The following KIF4A variants were observed in gnomAD, a reference collection of about 807,000 sequenced individuals.
KIF4A encodes the protein kinesin family member 4A.
A neutral mutation model predicts 105.9 loss-of-function variants in KIF4A; 7 were observed. That is an observed-to-expected ratio of 0.07 (90% CI 0.04 to 0.12). KIF4A has a LOEUF of 0.12. Ranked by LOEUF, KIF4A falls within the 10% of genes least tolerant of loss-of-function variation. The probability of loss-of-function intolerance (pLI) is 1.00; values close to 1 mark genes in which losing one functional copy is unlikely to be tolerated. For missense variants in KIF4A, 558 were observed against 929.2 expected, an observed-to-expected ratio of 0.60 and a Z score of 5.19; for synonymous variants, 281 against 331.3, an observed-to-expected ratio of 0.85 and a Z score of 1.65.
chrX:70,343,659 C>G, intron 11 of KIF4A, 44 bp from the exon 12 acceptor site: 1 of 1,133,255 alleles, frequency 8.8e-7, no homozygotes, highest in Non-Finnish European at 1.2e-6. Flanking sequence ...TTATGTGAGG[C>G]TGTCAGGCAC....
chrX:70,303,607 T>G, intron 7 of KIF4A, among the ~76,000 whole-genome samples: 1 of 112,213 alleles, frequency 8.9e-6, no homozygotes, highest in Non-Finnish European at 1.9e-5. Context: ...ATGTTTGCAC[T>G]TGAGATTTAG....
chrX:70,376,411 T>C (rs1036586395), intron 18 of KIF4A, among the ~76,000 whole-genome samples: 10 of 112,049 alleles, frequency 8.9e-5, no homozygotes, highest in African/African-American at 3.2e-4. Flanking sequence ...GAAAAATTAG[T>C]AGTATATAAG....
chrX:70,411,533 G>A (rs998776445), intron 28 of KIF4A, among the ~76,000 whole-genome samples: 1 of 109,820 alleles, frequency 9.1e-6, no homozygotes, highest in African/African-American at 3.3e-5. Flanking sequence ...TGGTGCTAGA[G>A]GAATTATGGA....
Position 70,293,918 on chromosome X carries a change from A to T in KIF4A, c.236-3080A>T, listed in dbSNP as rs2085770564. ...AACACTGGATACTTAGCTTACACTA[A>T]ATTTATTAAACTTTGTGTCTTTCTT... On this transcript the variant is annotated intron_variant, in intron 3 of 30. Transcript: ENST00000374403. Among the ~76,000 whole-genome samples the T allele has an allele frequency of 3.6e-5, 4 of 111,924 alleles. No individual in the cohort carries two copies. In the South Asian group the frequency reaches 1.5e-3, roughly 41 times the overall value.
intron 15 of KIF4A, among the ~76,000 whole-genome samples, chrX:70,359,357 A>T (rs929078537): frequency 1.8e-5 from 2 of 110,914 alleles, no homozygotes; most frequent in East Asian, 5.7e-4. Flanking sequence ...TAAGGCTGAG[A>T]AGTGATTCCT....
intron 7 of KIF4A, among the ~76,000 whole-genome samples, chrX:70,317,902 G>T (rs757290262): frequency 1.0e-5 from 1 of 98,048 alleles, no homozygotes; most frequent in Non-Finnish European, 2.0e-5. Context: ...TTTTGAGATG[G>T]AGTCTCACTC....
chrX:70,360,815 C>A (rs974332205), intron 15 of KIF4A, among the ~76,000 whole-genome samples: 3 of 112,923 alleles, frequency 2.7e-5, no homozygotes, highest in Non-Finnish European at 5.6e-5. Flanking sequence ...GTTTCAGAAG[C>A]AGGCTGACCT....
intron 13 of KIF4A, among the ~76,000 whole-genome samples, chrX:70,349,210 A>T (rs1427841079): frequency 4.2e-5 from 4 of 94,802 alleles, no homozygotes; most frequent in African/African-American, 1.6e-4. Context: ...GGCCGGGCAG[A>T]GGCGCTCCTC....
At position 70,389,170 on chromosome X, in the gene KIF4A, C is replaced by T. The variant is rs369804922; in HGVS notation, c.2232+1873C>T. ...ACCGGGGAGACTGAGGTGGGAAGAT[C>T]GCTTGAGACTGGGAGGTCAAGGCTA... On this transcript the variant is annotated intron_variant, in intron 20 of 30. Transcript: ENST00000374403. Among the ~76,000 whole-genome samples the T allele has an allele frequency of 4.5e-5, 5 of 111,689 alleles. No homozygotes were observed. The East Asian group carries it at 8.4e-4, about 19-fold the overall frequency.
intron 7 of KIF4A, among the ~76,000 whole-genome samples, chrX:70,326,568 T>C (rs989629893): frequency 7.1e-5 from 8 of 112,559 alleles, no homozygotes; most frequent in Admixed American, 3.8e-4. Flanking sequence ...TTAAAATCTC[T>C]CCTTTATTAT....
chrX:70,364,744 T>C (rs1391173521), intron 15 of KIF4A, among the ~76,000 whole-genome samples: 1 of 111,883 alleles, frequency 8.9e-6, no homozygotes, highest in African/African-American at 3.3e-5. Context: ...TGTTTCCATA[T>C]GAACTTTAAA....
At chrX:70,348,617 C>G (rs918800237) in intron 13 of KIF4A, among the ~76,000 whole-genome samples, 1 of 111,054 alleles carries the variant, frequency 9.0e-6, no homozygotes, top group Non-Finnish European at 1.9e-5. Context: ...CGCCCTTAAT[C>G]CATTTAACCC....
chrX:70,369,211 C>T (rs887362426), intron 15 of KIF4A, among the ~76,000 whole-genome samples: 2 of 112,371 alleles, frequency 1.8e-5, no homozygotes, highest in Non-Finnish European at 3.8e-5. Context: ...TGAGGCGATG[C>T]CTCGCCCTGC....
chrX:70,290,848 G>A, intron 3 of KIF4A, 43 bp downstream of exon 3: 1 of 905,716 alleles, frequency 1.1e-6, no homozygotes, highest in South Asian at 2.1e-5. Flanking sequence ...TATATTCCTT[G>A]AGCATATACT....
intron 18 of KIF4A, among the ~76,000 whole-genome samples, chrX:70,379,790 C>T (rs1239402621): frequency 1.1e-5 from 1 of 87,848 alleles, no homozygotes; most frequent in Non-Finnish European, 2.2e-5. Context: ...GATTCTGTCT[C>T]AGAAAAAAAA....
At chrX:70,371,623 TC>T (rs1322664004) in intron 15 of KIF4A, among the ~76,000 whole-genome samples, 1 of 102,268 alleles carries the variant, frequency 9.8e-6, no homozygotes, top group Admixed American at 1.0e-4. Flanking sequence ...CCCACCTCCC[TC>T]CCGGATGGGG....
At chrX:70,389,163 G>A (rs1463032503) in intron 20 of KIF4A, among the ~76,000 whole-genome samples, 1 of 111,762 alleles carries the variant, frequency 8.9e-6, no homozygotes, top group African/African-American at 3.3e-5. Flanking sequence ...GACTGAGGTG[G>A]GAAGATCGCT....
intron 7 of KIF4A, among the ~76,000 whole-genome samples, chrX:70,325,593 T>C (rs1975428795): frequency 9.0e-6 from 1 of 111,272 alleles, no homozygotes; most frequent in African/African-American, 3.3e-5. Context: ...TATTCTTTTT[T>C]TTAATTTCAA....
rs766581147 is a variant in KIF4A, at chrX:70,369,660, T to A, written c.1675-4491T>A. 6.3e-5 allele frequency among the ~76,000 whole-genome samples: 7 copies of A among 111,519 alleles called. No homozygotes were observed. The East Asian group carries it at 2.0e-3, about 31-fold the overall frequency. On this transcript the variant is annotated intron_variant, in intron 15 of 30. Coordinates refer to ENST00000374403, the MANE Select transcript of KIF4A (RefSeq NM_012310.5). ...AGAATATTTCATTATGGAAAAAAAATGAGGCAGATCTGTATATGCTGATAT... is the reference window on the plus strand; with the variant it reads ...AGAATATTTCATTATGGAAAAAAAAAGAGGCAGATCTGTATATGCTGATAT...
Sources: gnomAD v4.1 joint callset for allele counts (sites outside exome capture counted in the v4.1 genomes callset) on GRCh38, gnomAD v4.1.1 for gene constraint, MANE v1.5 for transcripts, NCBI Gene and HGNC (gene_info 2026-07-23, HGNC 2026-07-21) for gene names.